CHD5: variants seen among roughly 807,000 people sequenced by gnomAD.
CHD5 encodes ATP-dependent chromatin remodeler CHD5.
CHD5 carries 69 observed loss-of-function variants against 230.3 expected under a neutral mutation model. That is an observed-to-expected ratio of 0.30 (90% CI 0.25 to 0.37). The LOEUF is 0.37. CHD5 is among the 10% of genes least tolerant of loss of function. The pLI is 1.00. For missense variants in CHD5, 1,827 were observed against 2,622.8 expected, an observed-to-expected ratio of 0.70 and a Z score of 6.63; for synonymous variants, 1,064 against 1,065.9, an observed-to-expected ratio of 1.00 and a Z score of 0.03.
intron 17 of CHD5, 22 bp from the exon 18 acceptor site, chr1:6,135,425 A>G: frequency 6.3e-7 from 1 of 1,587,528 alleles, no homozygotes; most frequent in Non-Finnish European, 8.6e-7. Context: ...AGCTGGGATA[A>G]CAGCCAGGAG....
intron 33 of CHD5, among the ~76,000 whole-genome samples, chr1:6,117,306 A>G (rs983548883): frequency 2.0e-5 from 3 of 152,228 alleles, no homozygotes; most frequent in African/African-American, 7.2e-5. Context: ...TGAATCCCCT[A>G]TACACCGTCT....
rs1333487261 is a variant in CHD5 at position 6,114,720 on chromosome 1, A to ATCTT, written c.4913-1723_4913-1722insAAGA. On this transcript the variant is annotated intron_variant, in intron 33 of 41. Coordinates refer to ENST00000262450, the MANE Select transcript of CHD5 (RefSeq NM_015557.3). ...GAGAAAAAAGAAAAAGAAGGAAGAG[A>ATCTT]ATCCACAGGGAAAGAATAAGACTCC... is the stretch of plus-strand genomic sequence containing the variant. Among the ~76,000 whole-genome samples the ATCTT allele has an allele frequency of 7.9e-5, 12 of 152,134 alleles. 1 individual carries two copies. Among genetic ancestry groups the ATCTT allele is most frequent in the Admixed American group, 7.9e-4 (12 of 15,282 alleles).
At position 6,105,602 on chromosome 1, in the gene CHD5, A is replaced by G. The variant is rs1174372965; in HGVS notation, c.*47-175T>C. Among the ~76,000 whole-genome samples, 1 of 152,220 alleles carries G rather than the reference A, an allele frequency of 6.6e-6. No individual in the cohort carries two copies. Among genetic ancestry groups the G allele is most frequent in the Non-Finnish European group, 1.5e-5 (1 of 68,026 alleles). On this transcript the variant is annotated intron_variant, in intron 41 of 41. Transcript: ENST00000262450. The surrounding 1 kb of genome is among the most constrained non-coding windows in gnomAD (Gnocchi z 4.8). Reference sequence around the variant, plus strand: ...GGGCCAGGCCATGAGCTACACCCAGAGTGCCGAGAGCACCCAGGAAGCAGC... The same window carrying G: ...GGGCCAGGCCATGAGCTACACCCAGGGTGCCGAGAGCACCCAGGAAGCAGC...
At chr1:6,143,704 A>G in intron 13 of CHD5, 119 bp downstream of exon 13, 2 of 876,760 alleles carry the variant, frequency 2.3e-6, no homozygotes, top group Non-Finnish European at 1.8e-6. Flanking sequence ...CACTGTCTGC[A>G]TAAGCCATGA....
chr1:6,163,313 G>A (rs1313450382), intron 2 of CHD5, among the ~76,000 whole-genome samples: 1 of 152,188 alleles, frequency 6.6e-6, no homozygotes, highest in Non-Finnish European at 1.5e-5. Flanking sequence ...CAGTCGATGA[G>A]AAGGGTCTGA....
chr1:6,112,835 A>C, intron 34 of CHD5, 74 bp downstream of exon 34: 1 of 1,093,784 alleles, frequency 9.1e-7, no homozygotes, highest in South Asian at 1.3e-5. Context: ...AGACTGTGGG[A>C]GGCTGAACAG....
chr1:6,149,303 T>C lies in CHD5; in HGVS notation c.1104A>G (p.Val368=), dbSNP rs12565328. 535,878 of 1,610,258 alleles carry C rather than the reference T, an allele frequency of 0.33. 101,163 individuals carry two copies. The highest frequency in any genetic ancestry group is 0.72 in the East Asian group (32,140 of 44,694). Residue 368 remains valine, a synonymous_variant, in exon 8 of 42, where the codon GTA becomes GTG. Transcript: ENST00000262450. ...CCTTCTCCAGCTCTGGGTCCAGGCA[T>C]ACGAGATGGTAGGCCCTCGGGCAGG... ...CDTCPRAYHL[V]CLDPELEKAP... is the part of the protein sequence containing the mutation.
chr1:6,140,853 A>G (rs1213766996), intron 15 of CHD5, among the ~76,000 whole-genome samples: 1 of 151,900 alleles, frequency 6.6e-6, no homozygotes, highest in Admixed American at 6.6e-5. Flanking sequence ...TTTAGAACTT[A>G]GCTGAGTGTG....
chr1:6,157,718 C>T (rs1667101471), intron 3 of CHD5, among the ~76,000 whole-genome samples: 1 of 152,212 alleles, frequency 6.6e-6, no homozygotes, highest in South Asian at 2.1e-4. Flanking sequence ...ACACACATGG[C>T]CATTCCTGAT....
chr1:6,126,827 G>T lies in CHD5; in HGVS notation c.3904-81C>A. On this transcript the variant is annotated intron_variant, in intron 25 of 41. Transcript: ENST00000262450. The surrounding 1 kb of genome is among the most constrained non-coding windows in gnomAD (Gnocchi z 5.7). ...GCCTCAGGCTGCCTCCACCTGACCT[G>T]CCCTTTGCCCCCTCAGGGCTCAAGG... The T allele has an allele frequency of 1.5e-6, 2 of 1,340,208 alleles. No individual in the cohort carries two copies. Among genetic ancestry groups the T allele is most frequent in the South Asian group, 1.3e-5 (1 of 75,150 alleles). 83.0% of individuals were successfully genotyped at this position (1,340,208 alleles called of 1,614,324 possible). A position where few individuals can be genotyped will look rare whatever the true frequency, so the allele number is the denominator to read the frequency against.
intron 1 of CHD5, among the ~76,000 whole-genome samples, chr1:6,173,890 A>G (rs1667378371): frequency 6.6e-6 from 1 of 152,218 alleles, no homozygotes; most frequent in Non-Finnish European, 1.5e-5. Context: ...CGCCCAAGAG[A>G]GGATTCATAA....
At chr1:6,112,027 G>A (rs761359558) in intron 35 of CHD5, 113 bp downstream of exon 35, 6 of 1,424,838 alleles carry the variant, frequency 4.2e-6, no homozygotes, top group South Asian at 2.5e-5. Flanking sequence ...AAGGTTATAC[G>A]ATGGACTTCC....
chr1:6,111,589 A>G (rs1666290608), intron 36 of CHD5, among the ~76,000 whole-genome samples, 186 bp downstream of exon 36: 1 of 151,972 alleles, frequency 6.6e-6, no homozygotes, highest in Admixed American at 6.6e-5. Flanking sequence ...CACATAAGGA[A>G]GAAGCCGGGA....
At position 6,125,454 on chromosome 1, in the gene CHD5, G is replaced by A. The variant is rs958508633; in HGVS notation, c.4260+70C>T. On this transcript the variant is annotated intron_variant, in intron 28 of 41. Coordinates refer to ENST00000262450, the MANE Select transcript of CHD5 (RefSeq NM_015557.3). This position sits in a 1 kb window ranked among gnomAD's most constrained non-coding sequence, Gnocchi z 6.7. ...GCATGAGACCCGGGGCAGTCCCCCA[G>A]CCCTCCTCCATACCCCAGGGGCAGC... 2.1e-5 allele frequency: 31 copies of A among 1,479,718 alleles called. No individual in the cohort carries two copies. Among genetic ancestry groups the A allele is most frequent in the Non-Finnish European group, 2.9e-5 (31 of 1,084,594 alleles). 91.7% of individuals were successfully genotyped at this position (1,479,718 alleles called of 1,614,324 possible).
rs1476270696 is a variant in CHD5 at position 6,168,260 on chromosome 1, G to A, written c.97C>T (p.Leu33Phe). The A allele has an allele frequency of 1.2e-6, 2 of 1,601,578 alleles. No homozygotes were observed. The highest frequency in any genetic ancestry group is 1.7e-6 in the Non-Finnish European group (2 of 1,170,700). Reference sequence around the variant, plus strand: ...GGGAAAAAGTCATCGAAGGCTTCAAGACCACCATCTTCTTCTTCTGGAAAA... The same window carrying A: ...GGGAAAAAGTCATCGAAGGCTTCAAAACCACCATCTTCTTCTTCTGGAAAA... ...DEMSEEEDGG[L>F]EAFDDFFPVE... Residue 33 changes from leucine to phenylalanine, a missense_variant, in exon 2 of 42, where the codon CTT becomes TTT. Leu to Phe is a conservative substitution (Grantham distance 22). Around this residue, in one of 14 missense-constraint regions of CHD5, gnomAD observed 113 missense variants for 91.9 expected, o/e 1.23. Transcript: ENST00000262450.
chr1:6,117,195 G>A (rs890512226), intron 33 of CHD5, among the ~76,000 whole-genome samples: 1 of 152,054 alleles, frequency 6.6e-6, no homozygotes, highest in Non-Finnish European at 1.5e-5. Flanking sequence ...TACAAAATAA[G>A]ATAACAGAAT....
intron 31 of CHD5, among the ~76,000 whole-genome samples, chr1:6,122,176 G>C (rs1666482224): frequency 1.3e-5 from 2 of 152,144 alleles, no homozygotes; most frequent in South Asian, 4.1e-4. Context: ...AGCTTCTCAG[G>C]GCCTGGCCTC....
At chr1:6,113,938 G>A (rs1054543326) in intron 33 of CHD5, among the ~76,000 whole-genome samples, 4 of 152,116 alleles carry the variant, frequency 2.6e-5, no homozygotes, top group South Asian at 4.1e-4. Flanking sequence ...CAGAGGACAC[G>A]GAGCTCCTGC....
chr1:6,160,517 C>T (rs1667159324), intron 2 of CHD5, among the ~76,000 whole-genome samples: 1 of 152,288 alleles, frequency 6.6e-6, no homozygotes, highest in South Asian at 2.1e-4. Context: ...AGAGCCCCAG[C>T]CAGGGAAGGG....
Sources: allele counts gnomAD v4.1 joint callset (sites outside exome capture counted in the v4.1 genomes callset), GRCh38; gene constraint gnomAD v4.1.1; regional missense constraint gnomAD v4.1.1; non-coding constraint Gnocchi (gnomAD v3.1); transcripts MANE v1.5; gene names NCBI Gene and HGNC (gene_info 2026-07-23, HGNC 2026-07-21).